SHISA6: variants seen among roughly 807,000 people sequenced by gnomAD.
SHISA6 encodes shisa family member 6.
A neutral mutation model predicts 47.9 loss-of-function variants in SHISA6; 22 were observed. That is an observed-to-expected ratio of 0.46 (90% CI 0.33 to 0.66). SHISA6 has a LOEUF of 0.66. SHISA6 is among the 30% of genes least tolerant of loss of function. SHISA6 has a pLI of 0.02. For synonymous variants in SHISA6, 388 were observed against 337.8 expected (o/e 1.15, Z -1.63); for missense variants, 680 against 764.6 (o/e 0.89, Z 1.30).
At chr17:11,506,150 C>T (rs2071497252) in intron 3 of SHISA6, among the ~76,000 whole-genome samples, 1 of 152,162 alleles carries the variant, frequency 6.6e-6, no homozygotes, top group Admixed American at 6.5e-5. Flanking sequence ...AAAATTCATT[C>T]TCTGAGTGAC....
intron 3 of SHISA6, among the ~76,000 whole-genome samples, chr17:11,444,280 C>G (rs967482721): frequency 6.6e-6 from 1 of 152,052 alleles, no homozygotes; most frequent in African/African-American, 2.4e-5. Flanking sequence ...GATCGTGTCA[C>G]TGCACTCTAG....
chr17:11,256,921 A>T (rs1908032231), intron 1 of SHISA6, among the ~76,000 whole-genome samples: 1 of 152,192 alleles, frequency 6.6e-6, no homozygotes, highest in Admixed American at 6.5e-5. Context: ...ACCCACTGGG[A>T]TGGAGAAACT....
At position 11,483,485 on chromosome 17, in the gene SHISA6, C is replaced by G. The variant is rs971936552; in HGVS notation, c.896-68411C>G. On this transcript the variant is annotated intron_variant, in intron 3 of 5. Coordinates refer to ENST00000441885, the MANE Select transcript of SHISA6 (RefSeq NM_207386.4). ...TTATCTACAAGATATACACTTACAA[C>G]ATAATTACTCCAAAAATGTAAAAGT... Among the ~76,000 whole-genome samples, 6 of 152,164 alleles carry G rather than the reference C, an allele frequency of 3.9e-5. No individual in the cohort carries two copies. The East Asian group carries it at 1.2e-3, about 29-fold the overall frequency.
Position 11,555,843 on chromosome 17 carries a change from G to A in SHISA6, c.1056G>A (p.Glu352=), listed in dbSNP as rs762506294. 5 of 1,551,318 alleles carry A rather than the reference G, an allele frequency of 3.2e-6. No individual in the cohort carries two copies. The highest frequency in any genetic ancestry group is 4.4e-6 in the Non-Finnish European group (5 of 1,146,860). ...QNLAHLPPSY[E]SAVKTNPSKY... ...TGGCCCACCTGCCCCCATCCTACGA[G>A]TCTGCAGTAAAGACCAACCCCAGCA... Residue 352 remains glutamate (E), a synonymous_variant, in exon 5 of 6, where the codon GAG becomes GAA. Coordinates refer to ENST00000441885, the MANE Select transcript of SHISA6 (RefSeq NM_207386.4).
chr17:11,324,338 T>C (rs1199795639), intron 2 of SHISA6, among the ~76,000 whole-genome samples: 1 of 152,194 alleles, frequency 6.6e-6, no homozygotes, highest in Non-Finnish European at 1.5e-5. Context: ...TGAGCTGTCT[T>C]TGGCATGAAC....
intron 2 of SHISA6, among the ~76,000 whole-genome samples, chr17:11,291,620 C>T (rs533467542): frequency 3.3e-5 from 5 of 151,906 alleles, no homozygotes; most frequent in African/African-American, 9.7e-5. Context: ...GGCGACAGAG[C>T]GAGACTCTGT....
At chr17:11,333,827 G>A (rs1259770751) in intron 2 of SHISA6, among the ~76,000 whole-genome samples, 4 of 152,192 alleles carry the variant, frequency 2.6e-5, no homozygotes, top group African/African-American at 9.7e-5. Flanking sequence ...CTGAGGTCAT[G>A]AAAACTCTAC....
chr17:11,359,611 A>C (rs1054588670), intron 2 of SHISA6, among the ~76,000 whole-genome samples: 1 of 152,188 alleles, frequency 6.6e-6, no homozygotes, highest in African/African-American at 2.4e-5. Context: ...CTAATTCTAC[A>C]TGATTTTAAA....
At chr17:11,446,360 G>A (rs1003176123) in intron 3 of SHISA6, among the ~76,000 whole-genome samples, 7 of 152,136 alleles carry the variant, frequency 4.6e-5, no homozygotes, top group African/African-American at 1.7e-4. Context: ...CTTCATCTAT[G>A]GTGGAATCGT....
chr17:11,278,401 C>T (rs1311463050), intron 2 of SHISA6, among the ~76,000 whole-genome samples: 1 of 152,226 alleles, frequency 6.6e-6, no homozygotes, highest in Non-Finnish European at 1.5e-5. Context: ...GTCCCTGCAC[C>T]TGCACTCTCA....
intron 2 of SHISA6, among the ~76,000 whole-genome samples, chr17:11,337,832 A>T (rs1003015484): frequency 5.3e-5 from 8 of 152,206 alleles, no homozygotes; most frequent in African/African-American, 1.7e-4. Context: ...CTGAGCACCT[A>T]GAAAACCACC....
chr17:11,553,498 A>G (rs895230402), intron 4 of SHISA6, among the ~76,000 whole-genome samples: 4 of 151,856 alleles, frequency 2.6e-5, no homozygotes, highest in African/African-American at 9.7e-5. Context: ...GTGCAAGGAG[A>G]TGGGGGTTGA....
intron 3 of SHISA6, among the ~76,000 whole-genome samples, chr17:11,383,182 C>T (rs1913079473): frequency 6.6e-6 from 1 of 152,042 alleles, no homozygotes; most frequent in African/African-American, 2.4e-5. Context: ...AGGTGATCTG[C>T]CCATCTCAGC....
chr17:11,474,328 T>C (rs189588179), intron 3 of SHISA6, among the ~76,000 whole-genome samples: 11 of 152,264 alleles, frequency 7.2e-5, no homozygotes, highest in Non-Finnish European at 1.2e-4. Flanking sequence ...GATGAGCTTT[T>C]TTTTTCATGT....
At chr17:11,538,651 G>T (rs1265257562) in intron 3 of SHISA6, among the ~76,000 whole-genome samples, 1 of 152,196 alleles carries the variant, frequency 6.6e-6, no homozygotes, top group African/African-American at 2.4e-5. Context: ...TAGAGCCTGT[G>T]TCGAATCTTC....
rs111472598 is a variant in SHISA6, at chr17:11,327,752, G to A, written c.800-51662G>A. ...GCAGAGGTTGCGGTGAGCCAAGACC[G>A]TGCCGCTGCACTCCAGCCTGGGCAG... On this transcript the variant is annotated intron_variant, in intron 2 of 5. Coordinates refer to ENST00000441885, the MANE Select transcript of SHISA6 (RefSeq NM_207386.4). Among the ~76,000 whole-genome samples the A allele has an allele frequency of 4.0e-3, 616 of 152,282 alleles. 7 individuals carry two copies. Among genetic ancestry groups the A allele is most frequent in the African/African-American group, 0.014 (576 of 41,556 alleles).
At chr17:11,534,991 G>A (rs1200406784) in intron 3 of SHISA6, among the ~76,000 whole-genome samples, 1 of 152,050 alleles carries the variant, frequency 6.6e-6, no homozygotes, top group African/African-American at 2.4e-5. Context: ...AGCCATGCGT[G>A]GTGGCAGGCA....
Position 11,459,075 on chromosome 17 carries a change from T to C in SHISA6, c.895+79566T>C, listed in dbSNP as rs1429329350. Among the ~76,000 whole-genome samples, 4 of 150,976 alleles carry C rather than the reference T, an allele frequency of 2.6e-5. No homozygotes were observed. In the East Asian group the frequency reaches 5.8e-4, roughly 22 times the overall value. On this transcript the variant is annotated intron_variant, in intron 3 of 5. Transcript: ENST00000441885. ...AAAAAAAAAATGCAAAAAAATTAGC[T>C]GGGCGTGGTGGCAGGCACCTGTGGT... is the stretch of plus-strand genomic sequence containing the variant.
At chr17:11,386,957 C>T (rs1219343529) in intron 3 of SHISA6, among the ~76,000 whole-genome samples, 3 of 152,168 alleles carry the variant, frequency 2.0e-5, no homozygotes, top group Non-Finnish European at 2.9e-5. Context: ...GTTGGTCACC[C>T]TAATGGTGTG....
Sources: gnomAD v4.1 joint callset for allele counts (sites outside exome capture counted in the v4.1 genomes callset) on GRCh38, gnomAD v4.1.1 for gene constraint, MANE v1.5 for transcripts, NCBI Gene and HGNC (gene_info 2026-07-23, HGNC 2026-07-21) for gene names.